Variants in ZNF423 observed in about 807,000 individuals in gnomAD.
ZNF423 encodes Ebf-associated zinc finger protein.
Under a neutral mutation model 95.8 loss-of-function variants are expected in ZNF423, and 12 were observed. That is an observed-to-expected ratio of 0.13 (90% confidence interval 0.08 to 0.20). The LOEUF is 0.20. Ranked by LOEUF, ZNF423 falls within the 10% of genes least tolerant of loss-of-function variation. ZNF423 has a pLI of 1.00. For synonymous variants in ZNF423, 749 were observed against 711.9 expected (o/e 1.05, Z -0.83); for missense variants, 1,316 against 1,737.1 (o/e 0.76, Z 4.31).
intron 3 of ZNF423, among the ~76,000 whole-genome samples, chr16:49,725,114 G>A (rs2032974655): frequency 1.3e-5 from 2 of 152,314 alleles, no homozygotes; most frequent in South Asian, 2.1e-4. Flanking sequence ...AAATGAGGAC[G>A]AATGGTAGAA....
chr16:49,712,996 G>A (rs1041522225), intron 3 of ZNF423, among the ~76,000 whole-genome samples: 5 of 152,172 alleles, frequency 3.3e-5, no homozygotes, highest in African/African-American at 7.2e-5. Context: ...GATTCATGTC[G>A]CCATTTATGC....
At chr16:49,734,437 A>C (rs1217114417) in intron 2 of ZNF423, among the ~76,000 whole-genome samples, 1 of 152,218 alleles carries the variant, frequency 6.6e-6, no homozygotes, top group East Asian at 1.9e-4. Context: ...TGGTTCCTCC[A>C]ATCACCCCAG....
At chr16:49,715,895 G>A (rs1290472803) in intron 3 of ZNF423, among the ~76,000 whole-genome samples, 1 of 150,750 alleles carries the variant, frequency 6.6e-6, no homozygotes, top group East Asian at 2.0e-4. Context: ...AAAAGTAGCT[G>A]GGCACAGTGG....
At chr16:49,713,312 C>T (rs1052355272) in intron 3 of ZNF423, among the ~76,000 whole-genome samples, 8 of 152,250 alleles carry the variant, frequency 5.3e-5, no homozygotes, top group African/African-American at 1.4e-4. Flanking sequence ...TTTGCTCATC[C>T]GCAGGATCTA....
chr16:49,632,950 CG>C (rs775637876), intron 4 of ZNF423, among the ~76,000 whole-genome samples: 2 of 152,184 alleles, frequency 1.3e-5, no homozygotes, highest in Non-Finnish European at 2.9e-5. Flanking sequence ...CCAGGAGAAG[CG>C]GGCACAGTGA....
At chr16:49,499,601 T>C (rs932605440) in intron 7 of ZNF423, among the ~76,000 whole-genome samples, 8 of 152,176 alleles carry the variant, frequency 5.3e-5, no homozygotes, top group Non-Finnish European at 1.2e-4. Flanking sequence ...TTTTCCGTGT[T>C]CTTGAGATGC....
At chr16:49,552,617 T>G (rs186597534) in intron 5 of ZNF423, among the ~76,000 whole-genome samples, 2 of 152,134 alleles carry the variant, frequency 1.3e-5, no homozygotes, top group Admixed American at 1.3e-4. Context: ...CAAAAATCAA[T>G]AGTAATGCCC....
rs780153015 is a variant in ZNF423 at position 49,638,464 on chromosome 16, C to T, written c.712G>A (p.Gly238Ser). 2.6e-5 allele frequency: 42 copies of T among 1,613,744 alleles called. No individual in the cohort carries two copies. The Middle Eastern group carries it at 4.9e-4, about 19-fold the overall frequency. Residue 238 changes from glycine (G) to serine (S), a missense_variant, in exon 4 of 8, where the codon GGC (glycine) becomes AGC (serine). Coordinates refer to ENST00000563137, the MANE Select transcript of ZNF423 (RefSeq NM_001379286.1). The surrounding 1 kb of genome is among the most constrained non-coding windows in gnomAD (Gnocchi z 5.6). ...KPFKCTVCKR[G>S]FSSTSSLQSH... is the part of the protein sequence containing the mutation. ...TGCAGCGAGCTGGTGGAGGAGAAGCCGCGCTTGCACACAGTGCACTTGAAG... is the reference window on the plus strand; with the variant it reads ...TGCAGCGAGCTGGTGGAGGAGAAGCTGCGCTTGCACACAGTGCACTTGAAG...
At chr16:49,755,011 G>GCGGCTATCTT (rs1427440254) in intron 2 of ZNF423, among the ~76,000 whole-genome samples, 1 of 152,176 alleles carries the variant, frequency 6.6e-6, no homozygotes, top group East Asian at 1.9e-4. Context: ...GTCCGCCGGT[G>GCGGCTATCTT]CGGCTATCTT....
At chr16:49,592,627 C>T (rs902504870) in intron 5 of ZNF423, among the ~76,000 whole-genome samples, 45 of 152,244 alleles carry the variant, frequency 3.0e-4, no homozygotes, top group African/African-American at 1.0e-3. Flanking sequence ...GCCAGGGCAT[C>T]GCTGTAAAGC....
intron 2 of ZNF423, among the ~76,000 whole-genome samples, chr16:49,770,927 C>T (rs1417613389): frequency 6.6e-6 from 1 of 152,194 alleles, no homozygotes; most frequent in African/African-American, 2.4e-5. Flanking sequence ...GCCATGGCTT[C>T]CAGCCCCCAC....
Position 49,497,524 on chromosome 16 carries a change from C to T in ZNF423, c.3850-6220G>A, listed in dbSNP as rs1001892832. Among the ~76,000 whole-genome samples, 3 of 152,328 alleles carry T rather than the reference C, an allele frequency of 2.0e-5. No individual in the cohort carries two copies. The East Asian group carries it at 5.8e-4, about 29-fold the overall frequency. On this transcript the variant is annotated intron_variant, in intron 7 of 7. Transcript: ENST00000563137. Reference sequence around the variant, plus strand: ...AAGGCACAAGAACACTCAGCCCCCACACCCAGAGCATCCCACCCTGCTCTC... The same window carrying T: ...AAGGCACAAGAACACTCAGCCCCCATACCCAGAGCATCCCACCCTGCTCTC...
intron 3 of ZNF423, among the ~76,000 whole-genome samples, chr16:49,657,103 C>T (rs996810641): frequency 6.6e-6 from 1 of 152,240 alleles, no homozygotes; most frequent in Non-Finnish European, 1.5e-5. Context: ...CCCAGCCTGA[C>T]AGGATGTCTG....
At chr16:49,667,745 G>A (rs1353601154) in intron 3 of ZNF423, among the ~76,000 whole-genome samples, 1 of 152,198 alleles carries the variant, frequency 6.6e-6, no homozygotes, top group Admixed American at 6.5e-5. Context: ...ATTTAGCCAG[G>A]TGTGGTGGTG....
chr16:49,568,939 T>C (rs1265679878), intron 5 of ZNF423, among the ~76,000 whole-genome samples: 1 of 152,104 alleles, frequency 6.6e-6, no homozygotes, highest in Non-Finnish European at 1.5e-5. Context: ...TAACTCTTCA[T>C]GTCTCTACTG....
chr16:49,613,842 T>G (rs1448241506), intron 5 of ZNF423, among the ~76,000 whole-genome samples: 1 of 151,256 alleles, frequency 6.6e-6, no homozygotes. Context: ...ATATAAAAAC[T>G]AACTCAAAAT....
At chr16:49,572,460 C>T (rs1970381777) in intron 5 of ZNF423, among the ~76,000 whole-genome samples, 2 of 152,144 alleles carry the variant, frequency 1.3e-5, no homozygotes, top group South Asian at 2.1e-4. Context: ...AACCAAATCA[C>T]CCACTCTGGC....
At chr16:49,858,636 C>T (rs761299573), upstream of ZNF423, among the ~76,000 whole-genome samples, 3 of 151,744 alleles carry the variant, frequency 2.0e-5, no homozygotes, top group Non-Finnish European at 4.4e-5. The surrounding 1 kb of genome is among the most constrained non-coding windows in gnomAD (Gnocchi z 4.3). Context: ...CAGGTTAGCG[C>T]TACCATCCCC....
intron 5 of ZNF423, among the ~76,000 whole-genome samples, chr16:49,586,138 T>C (rs1415838930): frequency 6.6e-6 from 1 of 152,142 alleles, no homozygotes; most frequent in African/African-American, 2.4e-5. Flanking sequence ...AAGAAGGTGG[T>C]GATGCTGTTG....
Sources: allele counts gnomAD v4.1 joint callset (sites outside exome capture counted in the v4.1 genomes callset), GRCh38; gene constraint gnomAD v4.1.1; non-coding constraint Gnocchi (gnomAD v3.1); transcripts MANE v1.5; gene names NCBI Gene and HGNC (gene_info 2026-07-23, HGNC 2026-07-21).